Variants in CSMD3 observed in about 807,000 individuals in gnomAD.
The protein encoded by CSMD3 is CUB and sushi domain-containing protein 3.
CSMD3 carries 177 observed loss-of-function variants against 435.2 expected under a neutral mutation model. That is an observed-to-expected ratio of 0.41 (90% CI 0.36 to 0.46). CSMD3 has a LOEUF of 0.46. Among genes scored for constraint, CSMD3 ranks in the 20% least tolerant of loss-of-function variants. The pLI is 0.34. For missense variants in CSMD3, 4,265 were observed against 4,504.6 expected (o/e 0.95, Z 1.52); for synonymous variants, 1,656 against 1,520.5 (o/e 1.09, Z -2.07).
intron 5 of CSMD3, among the ~76,000 whole-genome samples, chr8:113,029,824 G>A (rs1433685806): frequency 6.6e-6 from 1 of 151,426 alleles, no homozygotes; most frequent in East Asian, 1.9e-4. Flanking sequence ...TCAGTAAAAA[G>A]GAAGTCAAAC....
chr8:112,267,374 A>G (rs1817048546), intron 59 of CSMD3, among the ~76,000 whole-genome samples: 1 of 152,058 alleles, frequency 6.6e-6, no homozygotes, highest in South Asian at 2.1e-4. Context: ...CCTTCCTATG[A>G]TTATTGGGGA....
chr8:112,335,285 T>A lies in CSMD3; in HGVS notation c.7165+44A>T, dbSNP rs1199980432. On this transcript the variant is annotated intron_variant, in intron 45 of 70. Transcript: ENST00000297405. ...TACATTCACTTTTTTCCAGGACAAATTAAACAGTAGCAAATGAAATAGGAA... is the reference window on the plus strand; with the variant it reads ...TACATTCACTTTTTTCCAGGACAAAATAAACAGTAGCAAATGAAATAGGAA... 3 of 1,586,966 alleles carry A rather than the reference T, an allele frequency of 1.9e-6. No individual in the cohort carries two copies. In the African/African-American group the frequency reaches 4.0e-5, roughly 21 times the overall value.
At chr8:113,017,351 G>A (rs2086502745) in intron 6 of CSMD3, among the ~76,000 whole-genome samples, 1 of 151,910 alleles carries the variant, frequency 6.6e-6, no homozygotes, top group Admixed American at 6.6e-5. Context: ...TTGTCTTATA[G>A]TGCAAAACAA....
At chr8:113,250,595 T>C (rs899766075) in intron 3 of CSMD3, among the ~76,000 whole-genome samples, 2 of 152,048 alleles carry the variant, frequency 1.3e-5, no homozygotes, top group African/African-American at 2.4e-5. Context: ...AGAAAAGAGA[T>C]TGTGTGTATG....
intron 11 of CSMD3, among the ~76,000 whole-genome samples, chr8:112,833,415 T>C (rs1293962523): frequency 6.6e-6 from 1 of 152,022 alleles, no homozygotes; most frequent in Non-Finnish European, 1.5e-5. Flanking sequence ...TTTTTTGGTA[T>C]ATAGAAAAGA....
intron 5 of CSMD3, among the ~76,000 whole-genome samples, chr8:113,074,977 A>T (rs2089278844): frequency 6.6e-6 from 1 of 151,824 alleles, no homozygotes; most frequent in Non-Finnish European, 1.5e-5. Context: ...AGTAAAACTT[A>T]TTAATTATAA....
intron 13 of CSMD3, among the ~76,000 whole-genome samples, chr8:112,766,231 A>G (rs2077975617): frequency 6.6e-6 from 1 of 151,764 alleles, no homozygotes; most frequent in African/African-American, 2.4e-5. Flanking sequence ...AATCTAATCC[A>G]TGTTTCTCCA....
intron 1 of CSMD3, among the ~76,000 whole-genome samples, chr8:113,376,067 T>C (rs1201998233): frequency 1.3e-5 from 2 of 152,162 alleles, no homozygotes; most frequent in African/African-American, 2.4e-5. Context: ...AAATTCTTAT[T>C]TAAGATGAAC....
At chr8:113,138,007 C>T (rs550958639) in intron 4 of CSMD3, among the ~76,000 whole-genome samples, 4 of 151,658 alleles carry the variant, frequency 2.6e-5, no homozygotes, top group African/African-American at 9.6e-5. Context: ...CTTAACATTT[C>T]TGAAGATATA....
At chr8:112,532,532 G>A (rs879796150) in intron 27 of CSMD3, among the ~76,000 whole-genome samples, 1 of 152,080 alleles carries the variant, frequency 6.6e-6, no homozygotes, top group East Asian at 1.9e-4. Flanking sequence ...AGCAAGCTAT[G>A]AGAGAGTGTC....
intron 13 of CSMD3, among the ~76,000 whole-genome samples, chr8:112,761,362 GA>G (rs1188250841): frequency 6.6e-6 from 1 of 152,024 alleles, no homozygotes; most frequent in Non-Finnish European, 1.5e-5. Flanking sequence ...AAAGTATGTA[GA>G]ATGTATTTTT....
intron 27 of CSMD3, among the ~76,000 whole-genome samples, chr8:112,550,429 T>C (rs889070898): frequency 5.9e-5 from 9 of 152,096 alleles, no homozygotes; most frequent in Middle Eastern, 3.4e-3. Context: ...AACACCACTT[T>C]TACTTTAAGA....
chr8:113,419,117 T>C (rs2094597116), intron 1 of CSMD3, among the ~76,000 whole-genome samples: 1 of 145,582 alleles, frequency 6.9e-6, no homozygotes, highest in Non-Finnish European at 1.5e-5. Context: ...ACTTGTTTTT[T>C]TTGGTTTGTT....
intron 5 of CSMD3, among the ~76,000 whole-genome samples, chr8:113,084,012 GA>G (rs1440318678): frequency 2.0e-5 from 3 of 152,028 alleles, no homozygotes; most frequent in Non-Finnish European, 4.4e-5. Flanking sequence ...AAAATAAAAT[GA>G]TATAGACTGG....
At chr8:112,511,041 C>T (rs1823065337) in intron 28 of CSMD3, among the ~76,000 whole-genome samples, 1 of 152,108 alleles carries the variant, frequency 6.6e-6, no homozygotes, top group Non-Finnish European at 1.5e-5. Flanking sequence ...AATGCGTATA[C>T]AGGCATACGT....
intron 4 of CSMD3, among the ~76,000 whole-genome samples, chr8:113,146,004 T>A (rs1036160981): frequency 1.3e-5 from 2 of 151,550 alleles, no homozygotes; most frequent in Admixed American, 6.6e-5. Context: ...CATAACACCA[T>A]GACCAAATAT....
At chr8:112,874,732 T>TTTTATTTATTTATTTATTTA (rs1272858519) in intron 10 of CSMD3, among the ~76,000 whole-genome samples, 1 of 152,144 alleles carries the variant, frequency 6.6e-6, no homozygotes, top group African/African-American at 2.4e-5. Context: ...ACCCCTGCTT[T>TTTTATTTATTTATTTATTTA]TTTATTTATT....
intron 13 of CSMD3, among the ~76,000 whole-genome samples, chr8:112,693,611 T>A (rs2076187205): frequency 6.6e-6 from 1 of 151,996 alleles, no homozygotes; most frequent in African/African-American, 2.4e-5. Flanking sequence ...CTTGCTGTTT[T>A]TAAATATACT....
At chr8:113,050,817 C>G (rs1299638581) in intron 5 of CSMD3, among the ~76,000 whole-genome samples, 1 of 151,868 alleles carries the variant, frequency 6.6e-6, no homozygotes, top group East Asian at 1.9e-4. Flanking sequence ...TGAGCCAATC[C>G]AAACCTCATA....
Sources: allele counts gnomAD v4.1 joint callset (sites outside exome capture counted in the v4.1 genomes callset), GRCh38; gene constraint gnomAD v4.1.1; transcripts MANE v1.5; gene names NCBI Gene and HGNC (gene_info 2026-07-23, HGNC 2026-07-21).